Variants in CACNA2D3 observed in about 807,000 individuals in gnomAD.
The protein encoded by CACNA2D3 is voltage-dependent calcium channel subunit alpha-2/delta-3.
A neutral mutation model predicts 160.6 loss-of-function variants in CACNA2D3; 60 were observed. The ratio of observed to expected loss-of-function variants is 0.37; its 90% CI spans 0.30 to 0.46. The LOEUF is 0.46. CACNA2D3 is among the 20% of genes least tolerant of loss of function. The pLI, the probability that CACNA2D3 is intolerant of heterozygous loss-of-function variation, is 1.00. For synonymous variants in CACNA2D3, 558 were observed against 492.9 expected (o/e 1.13, Z -1.75); for missense variants, 1,205 against 1,365.0 (o/e 0.88, Z 1.85).
intron 2 of CACNA2D3, among the ~76,000 whole-genome samples, chr3:54,134,612 G>A (rs1357257551): frequency 1.3e-5 from 2 of 152,206 alleles, no homozygotes; most frequent in African/African-American, 2.4e-5. Flanking sequence ...GGGCATGGAT[G>A]CTGCAAAAAG....
chr3:54,870,046 G>C (rs1459778089), intron 17 of CACNA2D3, among the ~76,000 whole-genome samples: 1 of 152,176 alleles, frequency 6.6e-6, no homozygotes, highest in Non-Finnish European at 1.5e-5. Context: ...AGGAGGCTAG[G>C]CACCATCCTA....
chr3:54,256,152 C>G (rs541346792), intron 2 of CACNA2D3, among the ~76,000 whole-genome samples: 5 of 152,176 alleles, frequency 3.3e-5, no homozygotes, highest in African/African-American at 1.2e-4. Context: ...ATTGGTGACA[C>G]TTTTTCTGGG....
At chr3:54,602,109 T>C (rs111604219) in intron 9 of CACNA2D3, among the ~76,000 whole-genome samples, 1,618 of 152,260 alleles carry the variant, frequency 0.011, 22 homozygotes, top group Non-Finnish European at 0.016. Context: ...CAGCAAGCCA[T>C]AGTTGCCATC....
chr3:54,471,010 A>C (rs1453953139), intron 4 of CACNA2D3, among the ~76,000 whole-genome samples: 1 of 152,192 alleles, frequency 6.6e-6, no homozygotes, highest in Non-Finnish European at 1.5e-5. Context: ...ATGAGACAGA[A>C]AATTAACAAG....
chr3:54,181,638 G>A (rs1576983279), intron 2 of CACNA2D3, among the ~76,000 whole-genome samples: 1 of 152,330 alleles, frequency 6.6e-6, no homozygotes, highest in East Asian at 1.9e-4. Context: ...CAGGGGCAGA[G>A]TCAGGATTTG....
intron 11 of CACNA2D3, among the ~76,000 whole-genome samples, chr3:54,749,677 G>A (rs1701823275): frequency 6.6e-6 from 1 of 152,198 alleles, no homozygotes; most frequent in African/African-American, 2.4e-5. Context: ...TGTGAGAGAT[G>A]TAGGACGTGA....
chr3:55,017,616 C>T (rs1367945960), intron 34 of CACNA2D3, among the ~76,000 whole-genome samples: 3 of 152,150 alleles, frequency 2.0e-5, no homozygotes, highest in Non-Finnish European at 4.4e-5. Context: ...GCCCACTGGA[C>T]AATCAACTGC....
At chr3:54,345,742 A>G (rs1219476663) in intron 3 of CACNA2D3, among the ~76,000 whole-genome samples, 1 of 152,110 alleles carries the variant, frequency 6.6e-6, no homozygotes, top group Non-Finnish European at 1.5e-5. Context: ...GCCTAACGTC[A>G]TCTCCACTGG....
intron 2 of CACNA2D3, among the ~76,000 whole-genome samples, chr3:54,154,530 T>C (rs199810313): frequency 1.8e-4 from 27 of 151,756 alleles, no homozygotes; most frequent in African/African-American, 4.8e-4. Flanking sequence ...TTACTCTTTT[T>C]CCCCCCCGAA....
At chr3:54,795,233 A>ATTTGGT (rs1266313360) in intron 13 of CACNA2D3, among the ~76,000 whole-genome samples, 1 of 151,784 alleles carries the variant, frequency 6.6e-6, no homozygotes, top group Non-Finnish European at 1.5e-5. Flanking sequence ...TAGGAGTTCC[A>ATTTGGT]TTTGGTTTTG....
chr3:54,894,987 C>A (rs1426888752), intron 25 of CACNA2D3, among the ~76,000 whole-genome samples: 1 of 151,612 alleles, frequency 6.6e-6, no homozygotes, highest in Admixed American at 6.6e-5. Context: ...GAGAAGAGTG[C>A]TTTGTAAAAA....
At chr3:54,151,340 G>A (rs1700149152) in intron 2 of CACNA2D3, among the ~76,000 whole-genome samples, 1 of 151,956 alleles carries the variant, frequency 6.6e-6, no homozygotes, top group South Asian at 2.1e-4. Flanking sequence ...AGAGATGAGT[G>A]GATAGATAGT....
chr3:54,830,896 T>G (rs1423240794), intron 14 of CACNA2D3, among the ~76,000 whole-genome samples: 2 of 151,898 alleles, frequency 1.3e-5, no homozygotes, highest in Non-Finnish European at 2.9e-5. Context: ...TTTCATAGAG[T>G]GCAGGTTGAA....
In CACNA2D3 at chr3:54,157,800, CAAAAAAGCA is replaced by C. The variant is rs1304095673; in HGVS notation, c.204+34222_204+34230del. Among the ~76,000 whole-genome samples the C allele has an allele frequency of 7.3e-4, 59 of 81,326 alleles. 1 individual carries two copies. Among genetic ancestry groups the C allele is most frequent in the African/African-American group, 2.7e-3 (55 of 20,664 alleles). 53.4% of individuals were successfully genotyped at this position (81,326 alleles called of 152,430 possible). On this transcript the variant is annotated intron_variant, in intron 2 of 37. Transcript: ENST00000474759. Reference sequence around the variant, plus strand: ...GAGTGAAAACTCCGTCTAAAAAAAACAAAAAAGCAAAAAAAGCAAAAAAACCCAACCAAA... The same window carrying C: ...GAGTGAAAACTCCGTCTAAAAAAAACAAAAAAGCAAAAAAACCCAACCAAA...
chr3:54,565,128 C>T (rs1466061599), intron 6 of CACNA2D3, among the ~76,000 whole-genome samples: 2 of 152,124 alleles, frequency 1.3e-5, no homozygotes. Flanking sequence ...TGCTTGCCCA[C>T]CACTGATGCC....
chr3:55,025,119 A>G (rs1703538041), intron 35 of CACNA2D3, among the ~76,000 whole-genome samples: 2 of 152,234 alleles, frequency 1.3e-5, no homozygotes, highest in East Asian at 1.9e-4. Context: ...AACCAATAGA[A>G]CTAAGATAGG....
chr3:54,388,354 G>A (rs1018734824), intron 4 of CACNA2D3, among the ~76,000 whole-genome samples: 3 of 152,220 alleles, frequency 2.0e-5, no homozygotes, highest in African/African-American at 7.2e-5. Flanking sequence ...GAATCCAGCT[G>A]TTGGTATGGT....
At chr3:54,128,186 C>G (rs7625216) in intron 2 of CACNA2D3, among the ~76,000 whole-genome samples, 57,547 of 152,008 alleles carry the variant, frequency 0.38, 11,137 homozygotes, top group East Asian at 0.6. Flanking sequence ...TCTAACACTA[C>G]TGCAATTTTT....
chr3:54,805,732 G>T (rs377016707), intron 13 of CACNA2D3, among the ~76,000 whole-genome samples: 2,106 of 152,092 alleles, frequency 0.014, 38 homozygotes, highest in African/African-American at 0.045. Flanking sequence ...CACCAAAGCC[G>T]GGCAGAGACA....
Sources: gnomAD v4.1 joint callset for allele counts (sites outside exome capture counted in the v4.1 genomes callset) on GRCh38, gnomAD v4.1.1 for gene constraint, MANE v1.5 for transcripts, NCBI Gene and HGNC (gene_info 2026-07-23, HGNC 2026-07-21) for gene names.